The following GRIK4 variants were observed in gnomAD, a reference collection of about 807,000 sequenced individuals.
GRIK4 encodes glutamate receptor ionotropic, kainate 4.
A neutral mutation model predicts 104.9 loss-of-function variants in GRIK4; 40 were observed. The observed-to-expected ratio is 0.38, with a 90% CI of 0.30 to 0.50. GRIK4 has a LOEUF of 0.50. GRIK4 is among the 20% of genes least tolerant of loss of function. The pLI is 0.93. For synonymous variants in GRIK4, 485 were observed against 524.9 expected (o/e 0.92, Z 1.04); for missense variants, 1,047 against 1,308.1 (o/e 0.80, Z 3.08).
chr11:120,967,643 C>T lies in GRIK4; in HGVS notation c.2395+320C>T, dbSNP rs1210479694. Among the ~76,000 whole-genome samples the T allele has an allele frequency of 1.3e-5, 2 of 152,216 alleles. No individual in the cohort carries two copies. The highest frequency in any genetic ancestry group is 2.9e-5 in the Non-Finnish European group (2 of 68,040). The stretch of plus-strand genomic sequence containing the variant: ...TCCACACCTGTGCAGTCACAGTCGC[C>T]TGGTTTCAGTTTCCCATTCTTGCGT... On this transcript the variant is annotated intron_variant, in intron 19 of 20. Coordinates refer to ENST00000527524, the MANE Select transcript of GRIK4 (RefSeq NM_014619.5). This position sits in a 1 kb window ranked among gnomAD's most constrained non-coding sequence, Gnocchi z 4.2.
chr11:120,755,216 G>T (rs1462093419), intron 3 of GRIK4, among the ~76,000 whole-genome samples: 1 of 152,200 alleles, frequency 6.6e-6, no homozygotes, highest in Non-Finnish European at 1.5e-5. Context: ...CAGCCACAGT[G>T]TGTGGTGAGG....
rs772566574 is a variant in GRIK4, at chr11:120,611,098, G to A, written c.-158-42587G>A. ...ACCAGGAGAGGGTCAGCTCACCTTC[G>A]TTCAGCCCCTGGGACTCTAGATTGG... On this transcript the variant is annotated intron_variant, in intron 1 of 20. Coordinates refer to ENST00000527524, the MANE Select transcript of GRIK4 (RefSeq NM_014619.5). 5.3e-5 allele frequency among the ~76,000 whole-genome samples: 8 copies of A among 152,274 alleles called. No individual in the cohort carries two copies. In the South Asian group the frequency reaches 6.2e-4, roughly 12 times the overall value.
intron 6 of GRIK4, among the ~76,000 whole-genome samples, chr11:120,821,848 G>A (rs577672683): frequency 1.2e-3 from 176 of 152,308 alleles, no homozygotes; most frequent in African/African-American, 4.1e-3. Flanking sequence ...AGAGCAACAC[G>A]CAGCCTCTGT....
Position 120,538,584 on chromosome 11 carries a change from C to T in GRIK4, c.-159+26697C>T, listed in dbSNP as rs769658832. 3.3e-5 allele frequency among the ~76,000 whole-genome samples: 5 copies of T among 152,328 alleles called. No homozygotes were observed. The South Asian group carries it at 6.2e-4, about 19-fold the overall frequency. On this transcript the variant is annotated intron_variant, in intron 1 of 20. Transcript: ENST00000527524. ...TAGCCATTATCATTGGCTTCCTGGCCGCTTACGGCTGGCTGGGCAGACTGC... is the reference window on the plus strand; with the variant it reads ...TAGCCATTATCATTGGCTTCCTGGCTGCTTACGGCTGGCTGGGCAGACTGC...
intron 3 of GRIK4, among the ~76,000 whole-genome samples, chr11:120,695,584 C>T (rs1950433055): frequency 6.6e-6 from 1 of 152,114 alleles, no homozygotes; most frequent in Admixed American, 6.5e-5. Context: ...AGAGGTCAGC[C>T]TGCGGGGTCT....
intron 3 of GRIK4, among the ~76,000 whole-genome samples, chr11:120,681,665 C>T (rs551859394): frequency 6.6e-6 from 1 of 152,326 alleles, no homozygotes; most frequent in South Asian, 2.1e-4. Flanking sequence ...AGCGGCGGCC[C>T]ACTTAGTTTG....
intron 1 of GRIK4, among the ~76,000 whole-genome samples, chr11:120,572,925 C>T (rs1375914894): frequency 1.3e-5 from 2 of 152,196 alleles, no homozygotes; most frequent in Non-Finnish European, 2.9e-5. Flanking sequence ...TTAGTAATCT[C>T]TAAATTAGAC....
intron 8 of GRIK4, among the ~76,000 whole-genome samples, chr11:120,842,597 G>T (rs373368461): frequency 6.6e-6 from 1 of 152,336 alleles, no homozygotes; most frequent in East Asian, 1.9e-4. Flanking sequence ...CTTTTTAGAG[G>T]ATAACTGATC....
At chr11:120,929,582 G>C (rs73007850) in intron 13 of GRIK4, among the ~76,000 whole-genome samples, 37,672 of 152,142 alleles carry the variant, frequency 0.25, 5,218 homozygotes, top group East Asian at 0.38. Context: ...AAGGACTGGG[G>C]CCTGGGGAGA....
rs112454498 is a variant in GRIK4, at chr11:120,537,223, A to G, written c.-159+25336A>G. On this transcript the variant is annotated intron_variant, in intron 1 of 20. Transcript: ENST00000527524. ...TACTCTTTGCCTTCAACTAGTGGAC[A>G]TGCAGGATCCCTTGTCTCTTCCATG... 6.9e-3 allele frequency among the ~76,000 whole-genome samples: 1,044 copies of G among 152,254 alleles called. 15 individuals are homozygous for G. Among genetic ancestry groups the G allele is most frequent in the African/African-American group, 0.024 (1,002 of 41,544 alleles).
chr11:120,811,987 A>G (rs74797138), intron 4 of GRIK4, among the ~76,000 whole-genome samples: 5,566 of 152,278 alleles, frequency 0.037, 337 homozygotes, highest in African/African-American at 0.12. Context: ...CCTTGGGGGC[A>G]CACTCCGATC....
chr11:120,816,058 G>C (rs1214394386), intron 5 of GRIK4, among the ~76,000 whole-genome samples: 1 of 152,052 alleles, frequency 6.6e-6, no homozygotes, highest in Non-Finnish European at 1.5e-5. Context: ...ACTCGAACTG[G>C]AGGCTCTCCA....
At chr11:120,876,424 T>TCACCATCACCAC (rs1954820731) in intron 11 of GRIK4, among the ~76,000 whole-genome samples, 1 of 135,170 alleles carries the variant, frequency 7.4e-6, no homozygotes, top group African/African-American at 2.9e-5. Context: ...GTCATCATTA[T>TCACCATCACCAC]CACCACCACT....
chr11:120,804,413 C>T (rs1939672), intron 4 of GRIK4, among the ~76,000 whole-genome samples: 10,051 of 152,216 alleles, frequency 0.066, 377 homozygotes, highest in Middle Eastern at 0.099. Context: ...AGTTAAGAAG[C>T]GATGCAGGCA....
chr11:120,948,290 A>C (rs1160444918), intron 14 of GRIK4, among the ~76,000 whole-genome samples: 2 of 152,246 alleles, frequency 1.3e-5, no homozygotes, highest in Admixed American at 1.3e-4. Context: ...AGACTGTAGA[A>C]ATGCATATGA....
chr11:120,948,461 CT>C (rs1165330572), intron 14 of GRIK4, among the ~76,000 whole-genome samples: 2 of 152,142 alleles, frequency 1.3e-5, no homozygotes, highest in African/African-American at 4.8e-5. Context: ...TCAATGACGT[CT>C]TTGGGTAGGC....
At chr11:120,678,193 C>A (rs61902674) in intron 3 of GRIK4, among the ~76,000 whole-genome samples, 23,698 of 152,202 alleles carry the variant, frequency 0.16, 2,003 homozygotes, top group South Asian at 0.23. Flanking sequence ...GGACAACCTC[C>A]GTTTCTTTAG....
At chr11:120,981,123 G>A (rs1483318656) in intron 19 of GRIK4, among the ~76,000 whole-genome samples, 1 of 152,178 alleles carries the variant, frequency 6.6e-6, no homozygotes, top group Admixed American at 6.5e-5. Context: ...CTGGATGAAA[G>A]ATGCCTTTTG....
intron 13 of GRIK4, among the ~76,000 whole-genome samples, chr11:120,915,816 T>C (rs1351967914): frequency 1.3e-5 from 2 of 152,184 alleles, no homozygotes; most frequent in Non-Finnish European, 2.9e-5. Flanking sequence ...ATTTGATCCT[T>C]ACATGACCCA....
Sources: allele counts gnomAD v4.1 joint callset (sites outside exome capture counted in the v4.1 genomes callset), GRCh38; gene constraint gnomAD v4.1.1; non-coding constraint Gnocchi (gnomAD v3.1); transcripts MANE v1.5; gene names NCBI Gene and HGNC (gene_info 2026-07-23, HGNC 2026-07-21).